The following FAM107B variants were observed in gnomAD, a reference collection of about 807,000 sequenced individuals.
The protein encoded by FAM107B is protein FAM107B.
In FAM107B, 21 loss-of-function variants were observed where a neutral mutation model predicts 31.5. The ratio of observed to expected loss-of-function variants is 0.67; its 90% confidence interval spans 0.47 to 0.96. FAM107B has a LOEUF of 0.96. Ranked by LOEUF, FAM107B falls within the 40% of genes least tolerant of loss-of-function variation. The pLI, the probability that FAM107B is intolerant of heterozygous loss-of-function variation, is 0.00. For missense variants in FAM107B, 452 were observed against 377.1 expected (o/e 1.20, Z -1.64); for synonymous variants, 157 against 141.5 (o/e 1.11, Z -0.78).
chr10:14,604,052 C>T (rs1443794256), intron 2 of FAM107B, among the ~76,000 whole-genome samples: 1 of 146,404 alleles, frequency 6.8e-6, no homozygotes, highest in Non-Finnish European at 1.5e-5. Context: ...CCCGGCACCT[C>T]CCGGGCGCCG....
At chr10:14,571,778 T>C in intron 2 of FAM107B, 4 of 985,452 alleles carry the variant, frequency 4.1e-6, no homozygotes, top group Non-Finnish European at 4.8e-6. Flanking sequence ...ATATCTATTT[T>C]CTTGTTTATG....
At chr10:14,766,006 G>A (rs1014750701) in intron 1 of FAM107B, among the ~76,000 whole-genome samples, 1 of 152,164 alleles carries the variant, frequency 6.6e-6, no homozygotes, top group Admixed American at 6.5e-5. Context: ...AGGCTTCCAA[G>A]CAGCACTGAC....
chr10:14,700,853 C>A (rs10906749), intron 1 of FAM107B, among the ~76,000 whole-genome samples: 4 of 127,312 alleles, frequency 3.1e-5, no homozygotes, highest in South Asian at 2.4e-4. Flanking sequence ...AAAAAAAAAA[C>A]GCACTAGGGT....
intron 1 of FAM107B, among the ~76,000 whole-genome samples, chr10:14,722,605 C>A (rs1453561536): frequency 1.3e-5 from 2 of 152,106 alleles, no homozygotes; most frequent in African/African-American, 2.4e-5. Context: ...TAATTCTTGG[C>A]CATTTATATG....
intron 2 of FAM107B, among the ~76,000 whole-genome samples, chr10:14,665,287 T>C (rs1854376342): frequency 6.6e-6 from 1 of 152,214 alleles, no homozygotes; most frequent in Non-Finnish European, 1.5e-5. Flanking sequence ...ACCACTTTGC[T>C]GAATCTCTAG....
At chr10:14,533,928 G>A (rs1847317893) in intron 2 of FAM107B, among the ~76,000 whole-genome samples, 1 of 152,000 alleles carries the variant, frequency 6.6e-6, no homozygotes, top group South Asian at 2.1e-4. Context: ...GCCGGTGCAG[G>A]AGGGGGGGGC....
intron 2 of FAM107B, among the ~76,000 whole-genome samples, chr10:14,657,630 A>T (rs889179981): frequency 7.9e-5 from 12 of 152,234 alleles, no homozygotes; most frequent in African/African-American, 2.9e-4. Context: ...TCTCCTACTT[A>T]CACTTAATAA....
chr10:14,643,405 G>A (rs1345028999), intron 2 of FAM107B, among the ~76,000 whole-genome samples: 1 of 148,378 alleles, frequency 6.7e-6, no homozygotes, highest in African/African-American at 2.5e-5. Flanking sequence ...AGGGAGGTCA[G>A]TCTAATTTTT....
intron 3 of FAM107B, 106 bp downstream of exon 3, chr10:14,530,226 C>T (rs1205378265): frequency 1.6e-6 from 2 of 1,223,112 alleles, no homozygotes; most frequent in Non-Finnish European, 2.3e-6. Context: ...TAACAAAGTG[C>T]AAGAAATCAA....
chr10:14,596,092 A>T (rs980457690), intron 2 of FAM107B, among the ~76,000 whole-genome samples: 1 of 152,096 alleles, frequency 6.6e-6, no homozygotes, highest in Non-Finnish European at 1.5e-5. Flanking sequence ...CTCCTCCCAC[A>T]CAGGCCCTCT....
intron 2 of FAM107B, among the ~76,000 whole-genome samples, chr10:14,546,130 G>A (rs1010004385): frequency 2.6e-5 from 4 of 152,182 alleles, no homozygotes; most frequent in African/African-American, 4.8e-5. Flanking sequence ...AACTTTAGAA[G>A]GAACACAGAG....
chr10:14,567,139 C>A (rs1211735347), intron 2 of FAM107B, among the ~76,000 whole-genome samples: 1 of 151,894 alleles, frequency 6.6e-6, no homozygotes, highest in Non-Finnish European at 1.5e-5. Context: ...GGTGACAGAG[C>A]GAGACTCTGT....
At chr10:14,592,704 C>T (rs1588641681) in intron 2 of FAM107B, among the ~76,000 whole-genome samples, 2 of 152,212 alleles carry the variant, frequency 1.3e-5, no homozygotes, top group African/African-American at 4.8e-5. Context: ...TATCTCCTCT[C>T]TTCAAGGCAT....
intron 2 of FAM107B, among the ~76,000 whole-genome samples, chr10:14,644,715 T>C (rs1262558046): frequency 6.6e-6 from 1 of 152,240 alleles, no homozygotes; most frequent in African/African-American, 2.4e-5. Flanking sequence ...AATAAAATGA[T>C]TGCAAAAGCA....
chr10:14,570,243 T>G (rs1488732435), intron 2 of FAM107B, among the ~76,000 whole-genome samples: 1 of 150,244 alleles, frequency 6.7e-6, no homozygotes, highest in South Asian at 2.1e-4. Context: ...GGTGTGTGTG[T>G]GTGTGTGTGT....
At chr10:14,615,875 T>C (rs1852837414) in intron 2 of FAM107B, among the ~76,000 whole-genome samples, 1 of 152,178 alleles carries the variant, frequency 6.6e-6, no homozygotes, top group East Asian at 1.9e-4. Context: ...GAATCAATGT[T>C]TTAATCTTTT....
Position 14,521,119 on chromosome 10 carries a change from G to T in FAM107B, c.*71C>A. Reference sequence around the variant, plus strand: ...GCTGAAATATTCTCCAGGGGCTTTTGCCCTGAGATTGAGAAGGCACCCACA... The same window carrying T: ...GCTGAAATATTCTCCAGGGGCTTTTTCCCTGAGATTGAGAAGGCACCCACA... On this transcript the variant is annotated 3_prime_UTR_variant, in exon 5 of 5. Transcript: ENST00000181796. The T allele has an allele frequency of 8.5e-7, 1 of 1,180,008 alleles. No homozygotes were observed. The highest frequency in any genetic ancestry group is 1.2e-6 in the Non-Finnish European group (1 of 813,506). The allele number at this position is 1,180,008 out of a possible 1,614,324, so 73.1% of individuals were successfully genotyped here.
At chr10:14,633,803 C>T (rs185656297) in intron 2 of FAM107B, among the ~76,000 whole-genome samples, 36 of 152,294 alleles carry the variant, frequency 2.4e-4, no homozygotes, top group Admixed American at 2.4e-3. Context: ...ATTCAATAGA[C>T]ACCTGGTTTA....
At chr10:14,697,706 G>T (rs770489491) in intron 1 of FAM107B, among the ~76,000 whole-genome samples, 5 of 152,210 alleles carry the variant, frequency 3.3e-5, no homozygotes, top group Non-Finnish European at 7.3e-5. Flanking sequence ...TCGTGCACAT[G>T]GAGTTCCTGA....
Sources: allele counts gnomAD v4.1 joint callset (sites outside exome capture counted in the v4.1 genomes callset), GRCh38; gene constraint gnomAD v4.1.1; transcripts MANE v1.5; gene names NCBI Gene and HGNC (gene_info 2026-07-23, HGNC 2026-07-21).